VEZT: variants seen among roughly 807,000 people sequenced by gnomAD.
VEZT encodes the protein vezatin.
Under a neutral mutation model 79.9 loss-of-function variants are expected in VEZT, and 39 were observed. The observed-to-expected ratio is 0.49, with a 90% CI of 0.38 to 0.64. The LOEUF is 0.64. VEZT is among the 30% of genes least tolerant of loss of function. The probability of loss-of-function intolerance (pLI) is 0.00; values close to 1 mark genes in which losing one functional copy is unlikely to be tolerated. For missense variants in VEZT, 837 were observed against 893.1 expected (o/e 0.94, Z 0.80); for synonymous variants, 325 against 327.6 (o/e 0.99, Z 0.09).
At chr12:95,264,937 A>G (rs559288918) in intron 4 of VEZT, among the ~76,000 whole-genome samples, 1 of 136,664 alleles carries the variant, frequency 7.3e-6, no homozygotes, top group South Asian at 2.3e-4. Flanking sequence ...CAGTGGCATG[A>G]TCTCGGCTTA....
Position 95,275,350 on chromosome 12 carries a change from T to G in VEZT, c.996+461T>G, listed in dbSNP as rs559042695. On this transcript the variant is annotated intron_variant, in intron 7 of 11. Coordinates refer to ENST00000436874, the MANE Select transcript of VEZT (RefSeq NM_017599.4). Reference sequence around the variant, plus strand: ...GCTCACGCCTGTAATCCCAGCACTTTGGGAGGCCAAAGCAGGCAGATCACC... The same window carrying G: ...GCTCACGCCTGTAATCCCAGCACTTGGGGAGGCCAAAGCAGGCAGATCACC... Among the ~76,000 whole-genome samples the G allele has an allele frequency of 4.6e-5, 7 of 152,324 alleles. No homozygotes were observed. The South Asian group carries it at 1.4e-3, about 32-fold the overall frequency.
At chr12:95,261,421 A>T (rs71458584) in intron 3 of VEZT, among the ~76,000 whole-genome samples, 2,308 of 151,598 alleles carry the variant, frequency 0.015, 33 homozygotes, top group Non-Finnish European at 0.024. Flanking sequence ...TTTTATTTTT[A>T]TTTTTTTTGA....
chr12:95,271,996 G>T (rs963898502), intron 6 of VEZT, among the ~76,000 whole-genome samples: 2 of 151,964 alleles, frequency 1.3e-5, no homozygotes, highest in Non-Finnish European at 2.9e-5. Context: ...GTGAGACCTT[G>T]TCTCTTAAAA....
chr12:95,274,726 CT>C lies in VEZT; in HGVS notation c.849-14del. On this transcript the variant is annotated splice_polypyrimidine_tract_variant and intron_variant, in intron 6 of 11. Coordinates refer to ENST00000436874, the MANE Select transcript of VEZT (RefSeq NM_017599.4). ...TTCATGAAAAGGCTTTGTTGATTGC[CT>C]TAACCTAATTTAACCTACCCCCTGA... 1 of 1,605,066 alleles carries C rather than the reference CT, an allele frequency of 6.2e-7. No homozygotes were observed. Among genetic ancestry groups the C allele is most frequent in the Non-Finnish European group, 8.5e-7 (1 of 1,176,698 alleles).
At chr12:95,278,388 C>G (rs2068237178) in intron 7 of VEZT, among the ~76,000 whole-genome samples, 1 of 152,080 alleles carries the variant, frequency 6.6e-6, no homozygotes, top group Non-Finnish European at 1.5e-5. Context: ...TATAACTAAC[C>G]TGTAACCAAA....
At chr12:95,241,516 A>G (rs2061015261) in intron 1 of VEZT, among the ~76,000 whole-genome samples, 2 of 151,960 alleles carry the variant, frequency 1.3e-5, no homozygotes, top group Admixed American at 1.3e-4. Context: ...TATATTACCT[A>G]GGATAGTCTC....
intron 4 of VEZT, among the ~76,000 whole-genome samples, chr12:95,264,043 A>G (rs1425037119): frequency 1.3e-5 from 2 of 152,202 alleles, no homozygotes; most frequent in East Asian, 1.9e-4. Flanking sequence ...GAAGGGAGGA[A>G]TGAATCAAGA....
intron 9 of VEZT, among the ~76,000 whole-genome samples, chr12:95,292,189 A>G (rs2073024697): frequency 6.6e-6 from 1 of 152,212 alleles, no homozygotes; most frequent in Admixed American, 6.5e-5. Flanking sequence ...TCAGTTTAAC[A>G]TCATTGGTAG....
At chr12:95,250,930 G>C (rs905473094) in intron 1 of VEZT, among the ~76,000 whole-genome samples, 4 of 152,172 alleles carry the variant, frequency 2.6e-5, no homozygotes, top group Admixed American at 1.3e-4. Context: ...AGATGAGACA[G>C]CTGATGCACA....
chr12:95,257,636 T>C (rs2138138999), intron 3 of VEZT, among the ~76,000 whole-genome samples: 1 of 152,264 alleles, frequency 6.6e-6, no homozygotes, highest in South Asian at 2.1e-4. Flanking sequence ...TGTGAGGCTT[T>C]GTTTTTTTCT....
intron 8 of VEZT, chr12:95,286,583 C>T: frequency 6.4e-6 from 3 of 467,040 alleles, no homozygotes; most frequent in South Asian, 3.5e-5. Flanking sequence ...TCTTTTTGTA[C>T]CATCTTTTTC....
intron 9 of VEZT, among the ~76,000 whole-genome samples, chr12:95,292,708 C>T (rs932885148): frequency 2.6e-5 from 4 of 151,918 alleles, no homozygotes; most frequent in Admixed American, 6.6e-5. Context: ...GCCACCATAC[C>T]CAGCTAATTT....
At chr12:95,236,178 T>C (rs138516992) in intron 1 of VEZT, among the ~76,000 whole-genome samples, 4,523 of 152,158 alleles carry the variant, frequency 0.03, 141 homozygotes, top group Middle Eastern at 0.092. Flanking sequence ...CACGGCACCT[T>C]GGGAGGCCGA....
In VEZT at chr12:95,252,084, G is replaced by A. The variant is rs1371226030; in HGVS notation, c.168+13G>A. On this transcript the variant is annotated intron_variant, in intron 2 of 11. Transcript: ENST00000436874. ...AGTCCTACCAAAAGTAAGAACGCAT[G>A]CTCATTCTTTCTGGCCGAATCTTTT... The A allele has an allele frequency of 6.3e-6, 10 of 1,598,026 alleles. No individual in the cohort carries two copies. Among genetic ancestry groups the A allele is most frequent in the Non-Finnish European group, 8.5e-6 (10 of 1,174,792 alleles).
intron 1 of VEZT, among the ~76,000 whole-genome samples, chr12:95,236,014 A>G (rs1593190261): frequency 6.6e-6 from 1 of 151,980 alleles, no homozygotes; most frequent in Non-Finnish European, 1.5e-5. Context: ...CACTTCCCAG[A>G]CGGGGTGGCG....
intron 2 of VEZT, among the ~76,000 whole-genome samples, chr12:95,254,470 C>A (rs1165562966): frequency 6.6e-6 from 1 of 151,612 alleles, no homozygotes; most frequent in Non-Finnish European, 1.5e-5. Context: ...CCTCAGCTTC[C>A]CAAGTAGCTG....
chr12:95,278,059 C>T (rs796120534), intron 7 of VEZT, among the ~76,000 whole-genome samples: 24 of 152,296 alleles, frequency 1.6e-4, no homozygotes, highest in African/African-American at 4.8e-4. Context: ...ACTCTAGCTC[C>T]GTTATTTGAC....
At chr12:95,264,610 T>C (rs1278000638) in intron 4 of VEZT, among the ~76,000 whole-genome samples, 2 of 151,958 alleles carry the variant, frequency 1.3e-5, no homozygotes, top group Admixed American at 6.6e-5. Flanking sequence ...CTAATTTTTG[T>C]ATTTTTTTCA....
At chr12:95,252,866 G>A (rs554192103) in intron 2 of VEZT, among the ~76,000 whole-genome samples, 1 of 152,316 alleles carries the variant, frequency 6.6e-6, no homozygotes, top group South Asian at 2.1e-4. Flanking sequence ...TCGGGAGGCT[G>A]AGGCAGGAGA....
Sources: allele counts gnomAD v4.1 joint callset (sites outside exome capture counted in the v4.1 genomes callset), GRCh38; gene constraint gnomAD v4.1.1; transcripts MANE v1.5; gene names NCBI Gene and HGNC (gene_info 2026-07-23, HGNC 2026-07-21).